TTLL6: variants seen among roughly 807,000 people sequenced by gnomAD.
TTLL6 encodes tubulin tyrosine ligase like 6, also known as tubulin polyglutamylase TTLL6.
In TTLL6, 75 loss-of-function variants were observed where a neutral mutation model predicts 96.4. The observed-to-expected ratio is 0.78, with a 90% confidence interval of 0.65 to 0.94. The LOEUF is 0.94. TTLL6 is among the 40% of genes least tolerant of loss of function. The probability of loss-of-function intolerance (pLI) is 0.00; values close to 1 mark genes in which losing one functional copy is unlikely to be tolerated. For missense variants in TTLL6, 1,030 were observed against 1,093.0 expected (o/e 0.94, Z 0.81); for synonymous variants, 411 against 419.4 (o/e 0.98, Z 0.24).
chr17:48,815,940 T>C (rs549160091), intron 1 of TTLL6: 35 of 152,356 alleles, frequency 2.3e-4, no homozygotes, highest in Admixed American at 2.2e-3. Context: ...CAAAGACAGA[T>C]GGATCTGGAT....
At chr17:48,797,777 A>G (rs1295523555) in intron 6 of TTLL6, among the ~76,000 whole-genome samples, 3 of 129,092 alleles carry the variant, frequency 2.3e-5, no homozygotes, top group African/African-American at 5.9e-5. Context: ...GAAAGAGCAA[A>G]ACTCCATCTC....
chr17:48,789,861 A>G, intron 10 of TTLL6, 70 bp downstream of exon 10: 1 of 1,550,694 alleles, frequency 6.4e-7, no homozygotes. Context: ...CCGGCCCAGG[A>G]CAGATCATTC....
intron 15 of TTLL6, among the ~76,000 whole-genome samples, chr17:48,766,215 G>T (rs936728956): frequency 6.6e-6 from 1 of 152,158 alleles, no homozygotes; most frequent in Admixed American, 6.5e-5. Context: ...GGTGGGGAGA[G>T]AAACCAACAG....
At chr17:48,774,230 G>GGTTT (rs2038820011) in intron 13 of TTLL6, among the ~76,000 whole-genome samples, 1 of 117,742 alleles carries the variant, frequency 8.5e-6, no homozygotes, top group East Asian at 2.8e-4. Context: ...ATCCAGGTTT[G>GGTTT]TTGTTTTTTT....
At chr17:48,789,112 A>G (rs901682838) in intron 10 of TTLL6, among the ~76,000 whole-genome samples, 2 of 96,224 alleles carry the variant, frequency 2.1e-5, no homozygotes, top group Non-Finnish European at 5.1e-5. Flanking sequence ...ATCTTTCTTT[A>G]TAGTAAAAAA....
chr17:48,805,646 T>C (rs940569331), intron 1 of TTLL6, among the ~76,000 whole-genome samples: 2 of 152,170 alleles, frequency 1.3e-5, no homozygotes, highest in Admixed American at 6.5e-5. Flanking sequence ...TCATCCTCCC[T>C]GGCCCCATGA....
At chr17:48,791,713 C>T in intron 8 of TTLL6, 110 bp from the exon 9 acceptor site, 7 of 874,392 alleles carry the variant, frequency 8.0e-6, no homozygotes, top group South Asian at 1.7e-5. Flanking sequence ...CCAGAGCCAG[C>T]GAGGATGAAC....
intron 13 of TTLL6, among the ~76,000 whole-genome samples, chr17:48,774,321 G>A (rs1309971279): frequency 7.3e-6 from 1 of 136,676 alleles, no homozygotes; most frequent in Non-Finnish European, 1.5e-5. Flanking sequence ...ACATTGCCAC[G>A]CCCAGCTAAT....
At chr17:48,796,437 T>C (rs937077014) in intron 7 of TTLL6, among the ~76,000 whole-genome samples, 9 of 152,018 alleles carry the variant, frequency 5.9e-5, no homozygotes, top group African/African-American at 1.9e-4. Flanking sequence ...CTGACCAACA[T>C]GGTGAAATCC....
At chr17:48,768,841 C>G (rs1031890689) in intron 15 of TTLL6, 148 bp downstream of exon 15, 2 of 897,526 alleles carry the variant, frequency 2.2e-6, no homozygotes, top group Non-Finnish European at 3.4e-6. Flanking sequence ...TGCACCCAGC[C>G]AGGGTCACAT....
intron 11 of TTLL6, among the ~76,000 whole-genome samples, 199 bp from the exon 12 acceptor site, chr17:48,786,534 T>C (rs1424605488): frequency 6.6e-6 from 1 of 152,124 alleles, no homozygotes; most frequent in Non-Finnish European, 1.5e-5. Flanking sequence ...AACCATACCA[T>C]CCCCTGTGTG....
chr17:48,795,579 C>T (rs1486022764), intron 8 of TTLL6, among the ~76,000 whole-genome samples: 1 of 152,116 alleles, frequency 6.6e-6, no homozygotes, highest in African/African-American at 2.4e-5. Flanking sequence ...CAATTTCCCC[C>T]CTTCTGAGGA....
In TTLL6 at chr17:48,781,142, G is replaced by A. The variant is rs530299012; in HGVS notation, c.2040+3781C>T. On this transcript the variant is annotated intron_variant, in intron 13 of 15. Transcript: ENST00000393382. The stretch of plus-strand genomic sequence containing the variant: ...GGCTCACTGTAAACCTGCCTCCCGG[G>A]TTCAAGCAATTCTCCTGCCTCAGCC... Among the ~76,000 whole-genome samples, 22 of 152,022 alleles carry A rather than the reference G, an allele frequency of 1.4e-4. 1 individual carries two copies. The South Asian group carries it at 3.9e-3, about 27-fold the overall frequency.
At chr17:48,787,698 T>G in intron 11 of TTLL6, 113 bp downstream of exon 11, 1 of 1,113,290 alleles carries the variant, frequency 9.0e-7, no homozygotes, top group Non-Finnish European at 1.3e-6. Flanking sequence ...GCCTGGTTGC[T>G]CTGGCAACTT....
chr17:48,787,349 T>C (rs2039121175), intron 11 of TTLL6, among the ~76,000 whole-genome samples: 1 of 152,194 alleles, frequency 6.6e-6, no homozygotes, highest in Admixed American at 6.5e-5. Flanking sequence ...TTCCAATTCC[T>C]TGTCCTTGCG....
chr17:48,767,789 G>A (rs2038645697), intron 15 of TTLL6, among the ~76,000 whole-genome samples: 2 of 152,136 alleles, frequency 1.3e-5, no homozygotes, highest in South Asian at 4.1e-4. Context: ...ATCTCCTGGG[G>A]CCTTTTGCAC....
At chr17:48,783,859 A>T (rs1397256296) in intron 13 of TTLL6, among the ~76,000 whole-genome samples, 1 of 151,798 alleles carries the variant, frequency 6.6e-6, no homozygotes, top group Non-Finnish European at 1.5e-5. Flanking sequence ...ATTTAAGTCT[A>T]CAATGGGGGT....
At chr17:48,802,258 C>T (rs1387173418) in intron 3 of TTLL6, among the ~76,000 whole-genome samples, 1 of 152,156 alleles carries the variant, frequency 6.6e-6, no homozygotes, top group Non-Finnish European at 1.5e-5. Flanking sequence ...TCTGGCTTCC[C>T]TTTGCCAGAA....
Position 48,770,082 on chromosome 17 carries a change from C to G in TTLL6, c.2056G>C (p.Glu686Gln). 7.5e-6 allele frequency: 12 copies of G among 1,605,762 alleles called. No homozygotes were observed. The highest frequency in any genetic ancestry group is 9.4e-6 in the Non-Finnish European group (11 of 1,174,126). ...TGGGTGGTGGATTCTGGGGTGGTTT[C>G]TACGGAGGTTAAGTGCTGGAAGAAA... is the stretch of plus-strand genomic sequence containing the variant. ...FTGTVHLTSV[E>Q]TTPESTTQLS... Residue 686 changes from glutamate (E) to glutamine (Q), a missense_variant, in exon 14 of 16, where the codon GAA becomes CAA. Glu to Gln is a conservative substitution (Grantham distance 29). Transcript: ENST00000393382.
Sources: gnomAD v4.1 joint callset for allele counts (sites outside exome capture counted in the v4.1 genomes callset) on GRCh38, gnomAD v4.1.1 for gene constraint, MANE v1.5 for transcripts, NCBI Gene and HGNC (gene_info 2026-07-23, HGNC 2026-07-21) for gene names.